The following PLD5 variants were observed in gnomAD, a reference collection of about 807,000 sequenced individuals.
PLD5 encodes inactive phospholipase D5.
In PLD5, 36 loss-of-function variants were observed where a neutral mutation model predicts 61.1. The ratio of observed to expected loss-of-function variants is 0.59; its 90% confidence interval spans 0.45 to 0.78. PLD5 has a LOEUF of 0.78. Among genes scored for constraint, PLD5 ranks in the 30% least tolerant of loss-of-function variants. PLD5 has a pLI of 0.00. For synonymous variants in PLD5, 243 were observed against 242.8 expected (o/e 1.00, Z -0.01); for missense variants, 515 against 644.4 (o/e 0.80, Z 2.17).
chr1:242,144,147 G>T (rs977531837), intron 5 of PLD5, among the ~76,000 whole-genome samples: 3 of 151,932 alleles, frequency 2.0e-5, no homozygotes, highest in Admixed American at 2.0e-4. Flanking sequence ...GGGATTACAG[G>T]TATGAGCCAC....
At chr1:242,242,787 C>T (rs453996) in intron 4 of PLD5, among the ~76,000 whole-genome samples, 108,010 of 152,154 alleles carry the variant, frequency 0.71, 39,741 homozygotes, top group Non-Finnish European at 0.81. Flanking sequence ...TACCAAAGAT[C>T]TGTGGGGTTT....
chr1:242,405,477 G>A (rs149820011), intron 1 of PLD5, among the ~76,000 whole-genome samples: 280 of 152,148 alleles, frequency 1.8e-3, no homozygotes, highest in Non-Finnish European at 3.2e-3. Context: ...GTGTAGAAGC[G>A]GCTCTTCCAC....
At chr1:242,320,841 T>G (rs1658348595) in intron 2 of PLD5, among the ~76,000 whole-genome samples, 1 of 152,106 alleles carries the variant, frequency 6.6e-6, no homozygotes, top group Non-Finnish European at 1.5e-5. Flanking sequence ...GGGTGGGGCC[T>G]GGGTAGCAAT....
chr1:242,483,314 A>T (rs1457427035), intron 1 of PLD5, among the ~76,000 whole-genome samples: 1 of 152,194 alleles, frequency 6.6e-6, no homozygotes, highest in Admixed American at 6.5e-5. Flanking sequence ...CAGGAAACCC[A>T]TCTCACATGC....
intron 3 of PLD5, among the ~76,000 whole-genome samples, chr1:242,276,566 C>T (rs562842125): frequency 7.3e-5 from 11 of 150,820 alleles, no homozygotes; most frequent in African/African-American, 2.2e-4. Flanking sequence ...GGAGTGGTGG[C>T]CAGAATATGC....
At chr1:242,261,204 A>G (rs1417072629) in intron 4 of PLD5, among the ~76,000 whole-genome samples, 6 of 152,240 alleles carry the variant, frequency 3.9e-5, no homozygotes, top group Non-Finnish European at 5.9e-5. Context: ...TACGGTAAAG[A>G]ATTCAAAGAC....
At chr1:242,426,100 A>G (rs1470887927) in intron 1 of PLD5, among the ~76,000 whole-genome samples, 3 of 152,024 alleles carry the variant, frequency 2.0e-5, no homozygotes, top group Non-Finnish European at 4.4e-5. Context: ...AATTTTTAAC[A>G]TTTTAAACGT....
At chr1:242,099,689 C>T (rs1660537759) in intron 9 of PLD5, among the ~76,000 whole-genome samples, 1 of 152,066 alleles carries the variant, frequency 6.6e-6, no homozygotes, top group Admixed American at 6.5e-5. Flanking sequence ...AGCTGCCCTC[C>T]CTATTGGTGA....
chr1:242,268,948 T>C (rs1239105553), intron 3 of PLD5, among the ~76,000 whole-genome samples: 1 of 152,142 alleles, frequency 6.6e-6, no homozygotes, highest in Non-Finnish European at 1.5e-5. Flanking sequence ...GTTCAAGTGA[T>C]TCTCCTGCCT....
intron 2 of PLD5, among the ~76,000 whole-genome samples, chr1:242,289,434 C>T (rs559943973): frequency 3.9e-5 from 6 of 152,210 alleles, no homozygotes; most frequent in East Asian, 1.9e-4. Context: ...CTGCATCCTC[C>T]GCCTCCCAGG....
chr1:242,389,331 T>C (rs572191396), intron 1 of PLD5, among the ~76,000 whole-genome samples: 28 of 152,178 alleles, frequency 1.8e-4, no homozygotes, highest in Non-Finnish European at 4.0e-4. Flanking sequence ...GCATTTGTAA[T>C]TTAATACGCA....
chr1:242,381,382 G>A (rs35750408), intron 1 of PLD5, among the ~76,000 whole-genome samples: 3 of 152,226 alleles, frequency 2.0e-5, no homozygotes, highest in East Asian at 3.9e-4. Context: ...ACACACACTA[G>A]GGCCTATAGG....
At chr1:242,276,318 C>A (rs1674407084) in intron 3 of PLD5, among the ~76,000 whole-genome samples, 1 of 149,540 alleles carries the variant, frequency 6.7e-6, no homozygotes, top group African/African-American at 2.5e-5. Flanking sequence ...GCCTGGGCAA[C>A]AAAGCAAGAC....
chr1:242,251,330 T>C (rs1672688727), intron 4 of PLD5, among the ~76,000 whole-genome samples: 1 of 152,114 alleles, frequency 6.6e-6, no homozygotes, highest in Admixed American at 6.5e-5. Context: ...AATGATAGTG[T>C]ATTCAAAATT....
In PLD5 at chr1:242,089,416, A is replaced by ATT; in HGVS notation, c.*437_*438insAA. ...TAGGTCTTGGAGACGATTTACAAGA[A>ATT]TAAACACTTGGTTTTATCAGTCTCT... On this transcript the variant is annotated 3_prime_UTR_variant, in exon 10 of 10. Coordinates refer to ENST00000536534, the MANE Select transcript of PLD5 (RefSeq NM_001372062.1). 2.5e-6 allele frequency: 1 copy of ATT among 399,646 alleles called. No individual in the cohort carries two copies. The highest frequency in any genetic ancestry group is 4.4e-6 in the Non-Finnish European group (1 of 227,056). The allele number at this position is 399,646 out of a possible 1,614,324, so 24.8% of individuals were successfully genotyped here.
At chr1:242,350,640 G>C (rs549588852) in intron 1 of PLD5, among the ~76,000 whole-genome samples, 1 of 152,156 alleles carries the variant, frequency 6.6e-6, no homozygotes, top group Non-Finnish European at 1.5e-5. Context: ...GTTAGAAAGA[G>C]ATGTAGTCAA....
intron 1 of PLD5, among the ~76,000 whole-genome samples, chr1:242,364,517 G>A (rs1478027760): frequency 6.6e-6 from 1 of 152,010 alleles, no homozygotes; most frequent in Non-Finnish European, 1.5e-5. Flanking sequence ...AGGGGTTCGA[G>A]ACCAGCCTGG....
intron 1 of PLD5, among the ~76,000 whole-genome samples, chr1:242,369,032 G>A (rs1661491549): frequency 6.6e-6 from 1 of 152,054 alleles, no homozygotes. Flanking sequence ...ACAAATATGG[G>A]TATAAAGGAT....
At chr1:242,115,193 AAAAAG>A (rs1661846103) in intron 6 of PLD5, among the ~76,000 whole-genome samples, 1 of 148,930 alleles carries the variant, frequency 6.7e-6, no homozygotes, top group Non-Finnish European at 1.5e-5. Context: ...AAAAAAGAAA[AAAAAG>A]AAAAAAGAAA....
Sources: allele counts gnomAD v4.1 joint callset (sites outside exome capture counted in the v4.1 genomes callset), GRCh38; gene constraint gnomAD v4.1.1; transcripts MANE v1.5; gene names NCBI Gene and HGNC (gene_info 2026-07-23, HGNC 2026-07-21).